The following CCDC18 variants were observed in gnomAD, a reference collection of about 807,000 sequenced individuals.
CCDC18 encodes coiled-coil domain-containing protein 18.
A neutral mutation model predicts 196.0 loss-of-function variants in CCDC18; 157 were observed. That is an observed-to-expected ratio of 0.80 (90% CI 0.70 to 0.91). CCDC18 has a LOEUF of 0.91. Ranked by LOEUF, CCDC18 falls within the 40% of genes least tolerant of loss-of-function variation. The probability of loss-of-function intolerance (pLI) is 0.00; values close to 1 mark genes in which losing one functional copy is unlikely to be tolerated. For synonymous variants in CCDC18, 482 were observed against 529.2 expected (o/e 0.91, Z 1.22); for missense variants, 1,465 against 1,611.6 (o/e 0.91, Z 1.56).
At chr1:93,199,775 C>T (rs1164911912) in intron 6 of CCDC18, 6 of 152,414 alleles carry the variant, frequency 3.9e-5, no homozygotes, top group Non-Finnish European at 7.3e-5. Flanking sequence ...GAATGGCTAC[C>T]CCCACCTCAT....
At chr1:93,191,578 A>T (rs998203412) in intron 4 of CCDC18, among the ~76,000 whole-genome samples, 4 of 152,156 alleles carry the variant, frequency 2.6e-5, no homozygotes, top group Non-Finnish European at 4.4e-5. Context: ...TAGGGTTATT[A>T]TGCTTTTCTG....
chr1:93,196,873 C>T (rs1004447165), intron 6 of CCDC18, among the ~76,000 whole-genome samples: 2 of 152,170 alleles, frequency 1.3e-5, no homozygotes, highest in Admixed American at 6.5e-5. Context: ...TAGAATATAA[C>T]TCCTTGAAAT....
At chr1:93,260,941 C>T (rs1009174014) in intron 26 of CCDC18, among the ~76,000 whole-genome samples, 5 of 152,132 alleles carry the variant, frequency 3.3e-5, no homozygotes, top group African/African-American at 4.8e-5. Flanking sequence ...CTGCAAAGGA[C>T]GTGAACTCAT....
At chr1:93,183,078 A>G (rs969210278) in intron 1 of CCDC18, among the ~76,000 whole-genome samples, 2 of 152,178 alleles carry the variant, frequency 1.3e-5, no homozygotes, top group Non-Finnish European at 2.9e-5. Context: ...ATAATTAACA[A>G]TTGTTAGGAA....
intron 16 of CCDC18, among the ~76,000 whole-genome samples, chr1:93,222,856 GA>G (rs1657670185): frequency 6.6e-6 from 1 of 152,272 alleles, no homozygotes; most frequent in South Asian, 2.1e-4. Flanking sequence ...AATATGCTAT[GA>G]CGTTTATTCT....
Position 93,216,703 on chromosome 1 carries a change from C to CTTTAA in CCDC18, c.1787_1788insTTTAA (p.Ser597LeufsTer11), listed in dbSNP as rs1656530250. ...CTGGAAGAAAAGATAGTTGCTTATT[C>CTTTAA]CTCTATTGCTGCAAAAAATGCAGAA... On this transcript the variant is annotated frameshift_variant, in exon 13 of 29. Transcript: ENST00000690025. LOFTEE classifies it high-confidence loss of function. The CTTTAA allele has an allele frequency of 6.3e-7, 1 of 1,589,184 alleles. No individual in the cohort carries two copies. Among genetic ancestry groups the CTTTAA allele is most frequent in the Admixed American group, 1.8e-5 (1 of 55,148 alleles).
At chr1:93,228,271 A>C (rs1318077856) in intron 17 of CCDC18, among the ~76,000 whole-genome samples, 1 of 152,076 alleles carries the variant, frequency 6.6e-6, no homozygotes, top group Non-Finnish European at 1.5e-5. Flanking sequence ...GGGCCAAAGA[A>C]AAAAGGTCTG....
intron 7 of CCDC18, 26 bp downstream of exon 7, chr1:93,202,014 T>C: frequency 7.4e-7 from 1 of 1,354,220 alleles, no homozygotes; most frequent in Non-Finnish European, 1.1e-6. Flanking sequence ...GCAAATTCAG[T>C]GTTTTGTATT....
rs182081578 is a variant in CCDC18, at chr1:93,217,869, A to G, written c.1962A>G (p.Arg654=). 6.2e-7 allele frequency: 1 copy of G among 1,606,256 alleles called. No homozygotes were observed. Among genetic ancestry groups the G allele is most frequent in the East Asian group, 2.2e-5 (1 of 44,800 alleles). ...QHKEMEKQIE[R]LEAQLEKKDQ... is the part of the protein sequence containing the mutation. The stretch of plus-strand genomic sequence containing the variant: ...AAGAAATGGAAAAGCAGATTGAAAG[A>G]GTAAGTAATACATATTTAGAATATG... The change falls in exon 14 of 29, where the codon AGA becomes AGG. Residue 654 remains arginine, a splice_region_variant and synonymous_variant. Transcript: ENST00000690025.
At chr1:93,226,595 G>A (rs544779818) in intron 17 of CCDC18, 146 bp downstream of exon 17, 5 of 292,124 alleles carry the variant, frequency 1.7e-5, no homozygotes, top group East Asian at 7.5e-5. Context: ...GTACAGTGTC[G>A]CAATCTTGGC....
intron 3 of CCDC18, 49 bp from the exon 4 acceptor site, chr1:93,186,296 C>G (rs897202271): frequency 1.3e-6 from 2 of 1,516,694 alleles, no homozygotes; most frequent in Non-Finnish European, 9.0e-7. Context: ...TACATGTAAC[C>G]CTTAATTGAA....
chr1:93,268,267 A>G (rs1008304152), intron 27 of CCDC18, among the ~76,000 whole-genome samples: 3 of 152,264 alleles, frequency 2.0e-5, no homozygotes, highest in Non-Finnish European at 4.4e-5. Flanking sequence ...CCTTATACAA[A>G]AATTAATTCA....
At chr1:93,211,070 T>A (rs1655542984) in intron 10 of CCDC18, 144 bp downstream of exon 10, 2 of 735,722 alleles carry the variant, frequency 2.7e-6, no homozygotes, top group Non-Finnish European at 2.2e-6. Context: ...AGGTCAGGAG[T>A]TCGAGACCAG....
At chr1:93,183,035 T>C (rs1385588608) in intron 1 of CCDC18, among the ~76,000 whole-genome samples, 1 of 152,170 alleles carries the variant, frequency 6.6e-6, no homozygotes, top group African/African-American at 2.4e-5. Context: ...TTATTTAATG[T>C]CTGATTCTTA....
At chr1:93,225,725 C>G (rs553395110) in intron 16 of CCDC18, among the ~76,000 whole-genome samples, 2 of 151,224 alleles carry the variant, frequency 1.3e-5, no homozygotes, top group African/African-American at 4.9e-5. Context: ...TGCAGTGACC[C>G]GAGATCGCAC....
chr1:93,262,865 T>A (rs918158902), intron 26 of CCDC18, among the ~76,000 whole-genome samples: 1 of 152,064 alleles, frequency 6.6e-6, no homozygotes, highest in Admixed American at 6.6e-5. Flanking sequence ...CACAGCAGAC[T>A]TCTGCTTGGA....
In CCDC18 at chr1:93,214,867, T is replaced by C; in HGVS notation, c.1620T>C (p.Ser540=). Residue 540 remains serine (S), a synonymous_variant, in exon 12 of 29, where the codon TCT becomes TCC. Coordinates refer to ENST00000690025, the MANE Select transcript of CCDC18 (RefSeq NM_001378204.1). ...TGATACAAATAGAAGCTGAAAATTCTGATTTGAAGGTTAACATGGCTCACA... is the reference window on the plus strand; with the variant it reads ...TGATACAAATAGAAGCTGAAAATTCCGATTTGAAGGTTAACATGGCTCACA... ...TKLIQIEAEN[S]DLKVNMAHRT... 1.2e-6 allele frequency: 2 copies of C among 1,613,698 alleles called. No homozygotes were observed. Among genetic ancestry groups the C allele is most frequent in the Non-Finnish European group, 1.7e-6 (2 of 1,179,730 alleles).
At chr1:93,199,688 C>T (rs1653476820) in intron 6 of CCDC18, 2 of 152,342 alleles carry the variant, frequency 1.3e-5, no homozygotes, top group African/African-American at 4.8e-5. Context: ...GGTAAGCAAA[C>T]AAGTGGAGGG....
In CCDC18 at chr1:93,212,142, A is replaced by C; in HGVS notation, c.1376A>C (p.His459Pro). 2 of 1,608,914 alleles carry C rather than the reference A, an allele frequency of 1.2e-6. No homozygotes were observed. The highest frequency in any genetic ancestry group is 1.7e-6 in the Non-Finnish European group (2 of 1,178,704). ...AAAGAGGCAGAAATTCAAAAGCTTCATGCAAACCTGACTGCAAATCAGTTA... is the reference window on the plus strand; with the variant it reads ...AAAGAGGCAGAAATTCAAAAGCTTCCTGCAAACCTGACTGCAAATCAGTTA... ...AIKEAEIQKL[H>P]ANLTANQLSQ... Residue 459 changes from histidine to proline, a missense_variant, in exon 11 of 29, where the codon CAT (histidine) becomes CCT (proline). Physicochemically the swap from His to Pro is moderately conservative, Grantham distance 77. Transcript: ENST00000690025.
Sources: allele counts gnomAD v4.1 joint callset (sites outside exome capture counted in the v4.1 genomes callset), GRCh38; gene constraint gnomAD v4.1.1; transcripts MANE v1.5; gene names NCBI Gene and HGNC (gene_info 2026-07-23, HGNC 2026-07-21).